TPCN1: variants seen among roughly 807,000 people sequenced by gnomAD.
TPCN1 encodes the protein two pore channel protein 1.
In TPCN1, 52 loss-of-function variants were observed where a neutral mutation model predicts 108.8. That is an observed-to-expected ratio of 0.48 (90% CI 0.38 to 0.60). TPCN1 has a LOEUF of 0.60. Among genes scored for constraint, TPCN1 ranks in the 20% least tolerant of loss-of-function variants. The pLI, the probability that TPCN1 is intolerant of heterozygous loss-of-function variation, is 0.00. For missense variants in TPCN1, 806 were observed against 1,072.8 expected (o/e 0.75, Z 3.47); for synonymous variants, 446 against 433.7 (o/e 1.03, Z -0.35).
intron 27 of TPCN1, 142 bp downstream of exon 27, chr12:113,293,491 T>C: frequency 1.2e-6 from 1 of 833,860 alleles, no homozygotes; most frequent in East Asian, 2.5e-5. Context: ...CTGCTGGGGT[T>C]GTGTGGGACC....
intron 12 of TPCN1, among the ~76,000 whole-genome samples, chr12:113,277,662 C>T (rs972485471): frequency 8.5e-5 from 13 of 152,264 alleles, no homozygotes; most frequent in South Asian, 6.2e-4. Flanking sequence ...CCCATGTGAG[C>T]CAGGTGGACA....
At chr12:113,250,151 T>C (rs543899688) in intron 2 of TPCN1, 1 of 152,290 alleles carries the variant, frequency 6.6e-6, no homozygotes, top group East Asian at 1.9e-4. Flanking sequence ...GGGACGCGTG[T>C]GCTAAAAAAA....
intron 1 of TPCN1, chr12:113,225,125 G>A: frequency 2.6e-6 from 1 of 384,060 alleles, no homozygotes; most frequent in Non-Finnish European, 5.3e-6. Context: ...TGTGATCATA[G>A]CTCACTATAA....
At chr12:113,234,157 C>T (rs926244524) in intron 2 of TPCN1, among the ~76,000 whole-genome samples, 4 of 152,098 alleles carry the variant, frequency 2.6e-5, no homozygotes, top group African/African-American at 7.2e-5. Flanking sequence ...AGAGAAGCTC[C>T]GAGACAGGGC....
chr12:113,295,579 A>T (rs193192064), intron 27 of TPCN1, among the ~76,000 whole-genome samples: 83 of 152,166 alleles, frequency 5.5e-4, no homozygotes, highest in African/African-American at 1.8e-3. Context: ...TACAGCTCTA[A>T]GCCTCGGTGT....
intron 15 of TPCN1, among the ~76,000 whole-genome samples, chr12:113,280,992 T>G (rs975864811): frequency 4.6e-5 from 7 of 152,230 alleles, no homozygotes; most frequent in African/African-American, 1.7e-4. Flanking sequence ...TACAGCAATT[T>G]TAAGATTAAG....
At chr12:113,237,607 C>T (rs1186081983) in intron 2 of TPCN1, among the ~76,000 whole-genome samples, 2 of 152,190 alleles carry the variant, frequency 1.3e-5, no homozygotes, top group Non-Finnish European at 2.9e-5. Flanking sequence ...GATCTGCCCA[C>T]CTCGGCCTCC....
intron 2 of TPCN1, among the ~76,000 whole-genome samples, chr12:113,255,133 G>A (rs1288805602): frequency 6.6e-6 from 1 of 152,216 alleles, no homozygotes; most frequent in Admixed American, 6.5e-5. Context: ...ATGATCTTCT[G>A]TATAGAAACG....
intron 2 of TPCN1, among the ~76,000 whole-genome samples, chr12:113,250,239 C>A (rs986529757): frequency 2.0e-5 from 3 of 152,196 alleles, no homozygotes; most frequent in African/African-American, 7.2e-5. Flanking sequence ...GGCAGCTGGG[C>A]CCTGCTCAGA....
At position 113,260,429 on chromosome 12, in the gene TPCN1, T is replaced by G; in HGVS notation, c.174T>G (p.Ser58Arg). The part of the protein sequence containing the change: ...QAPSLSSGGE[S>R]SPSSPAHNWE... ...CCAGTCTCAGCTCTGGGGGTGAGAG[T>G]TCCCCCTCCAGCCCCGCACACAACT... Residue 58 changes from serine to arginine, a missense_variant, in exon 3 of 28, where the codon AGT becomes AGG. By Grantham distance (110) the Ser-to-Arg change is moderately radical. Transcript: ENST00000335509. 6.4e-7 allele frequency: 1 copy of G among 1,553,058 alleles called. No homozygotes were observed. Among genetic ancestry groups the G allele is most frequent in the Non-Finnish European group, 8.7e-7 (1 of 1,154,610 alleles).
Position 113,232,466 on chromosome 12 carries a change from A to G in TPCN1, c.112+5502A>G, listed in dbSNP as rs1242031435. 6.6e-6 allele frequency among the ~76,000 whole-genome samples: 1 copy of G among 152,252 alleles called. No homozygotes were observed. The highest frequency in any genetic ancestry group is 1.5e-5 in the Non-Finnish European group (1 of 68,044). ...AGAGATCCTCGCCGGCTGGCACCAG[A>G]GAAGAATACACCCCGAGGTGTGCGC... On this transcript the variant is annotated intron_variant, in intron 2 of 27. Coordinates refer to ENST00000335509, the MANE Select transcript of TPCN1 (RefSeq NM_017901.6). This position sits in a 1 kb window ranked among gnomAD's most constrained non-coding sequence, Gnocchi z 5.6.
intron 2 of TPCN1, among the ~76,000 whole-genome samples, chr12:113,255,655 A>G (rs1048197389): frequency 1.5e-4 from 23 of 151,930 alleles, no homozygotes; most frequent in Admixed American, 7.9e-4. Flanking sequence ...CCTCCTGAGT[A>G]GCTGGGACTA....
intron 10 of TPCN1, 99 bp from the exon 11 acceptor site, chr12:113,276,820 G>A (rs1015226368): frequency 1.4e-5 from 11 of 813,508 alleles, no homozygotes; most frequent in Non-Finnish European, 2.3e-5. Flanking sequence ...GGGGTGACTG[G>A]GTAAGAGCCT....
intron 2 of TPCN1, among the ~76,000 whole-genome samples, chr12:113,245,373 G>A (rs1198351022): frequency 2.0e-5 from 3 of 149,316 alleles, no homozygotes; most frequent in Admixed American, 6.6e-5. Flanking sequence ...CGAGGCGGGC[G>A]GATCACGAGG....
At chr12:113,287,641 C>T (rs569183329) in intron 19 of TPCN1, among the ~76,000 whole-genome samples, 25 of 152,330 alleles carry the variant, frequency 1.6e-4, no homozygotes, top group Admixed American at 3.9e-4. Flanking sequence ...CATCCACGTC[C>T]GCCCCATCCT....
In TPCN1 at chr12:113,232,263, T is replaced by C. The variant is rs1953717385; in HGVS notation, c.112+5299T>C. On this transcript the variant is annotated intron_variant, in intron 2 of 27. Transcript: ENST00000335509. This position sits in a 1 kb window ranked among gnomAD's most constrained non-coding sequence, Gnocchi z 5.6. ...GCCTGGCACATCATCTGGAGTTCCC[T>C]AGGACACAGTGCAGCCTCAGCAATG... Among the ~76,000 whole-genome samples, 1 of 152,214 alleles carries C rather than the reference T, an allele frequency of 6.6e-6. No homozygotes were observed. Among genetic ancestry groups the C allele is most frequent in the Non-Finnish European group, 1.5e-5 (1 of 68,012 alleles).
chr12:113,279,191 C>T (rs923338115), intron 14 of TPCN1, among the ~76,000 whole-genome samples: 1 of 151,040 alleles, frequency 6.6e-6, no homozygotes, highest in African/African-American at 2.4e-5. Context: ...ACTGTTAGTT[C>T]TCTGATGTGT....
At chr12:113,224,483 G>A (rs893283988) in intron 1 of TPCN1, among the ~76,000 whole-genome samples, 5 of 151,886 alleles carry the variant, frequency 3.3e-5, no homozygotes, top group South Asian at 2.1e-4. Context: ...TGCAAGCTCC[G>A]CCTCCCGGGT....
Position 113,233,000 on chromosome 12 carries a change from T to G in TPCN1, c.112+6036T>G, listed in dbSNP as rs1260042317. Among the ~76,000 whole-genome samples the G allele has an allele frequency of 2.0e-5, 3 of 152,172 alleles. No individual in the cohort carries two copies. Among genetic ancestry groups the G allele is most frequent in the African/African-American group, 7.2e-5 (3 of 41,432 alleles). On this transcript the variant is annotated intron_variant, in intron 2 of 27. Coordinates refer to ENST00000335509, the MANE Select transcript of TPCN1 (RefSeq NM_017901.6). The surrounding 1 kb of genome is among the most constrained non-coding windows in gnomAD (Gnocchi z 5.6). ...CCGCTGGAGTCATTCCCCTGGCTTT[T>G]TCAGGGCCTCACCAAGGCAGAGCGT... is the stretch of plus-strand genomic sequence containing the variant.
Sources: gnomAD v4.1 joint callset for allele counts (sites outside exome capture counted in the v4.1 genomes callset) on GRCh38, gnomAD v4.1.1 for gene constraint, Gnocchi (gnomAD v3.1) non-coding constraint, MANE v1.5 for transcripts, NCBI Gene and HGNC (gene_info 2026-07-23, HGNC 2026-07-21) for gene names.